The following GRIP1 variants were observed in gnomAD, a reference collection of about 807,000 sequenced individuals.
GRIP1 encodes the protein glutamate receptor-interacting protein 1.
A neutral mutation model predicts 129.9 loss-of-function variants in GRIP1; 45 were observed. That is an observed-to-expected ratio of 0.35 (90% CI 0.27 to 0.44). The LOEUF (loss-of-function observed/expected upper bound fraction) is 0.44. GRIP1 is among the 20% of genes least tolerant of loss of function. The pLI is 1.00. For missense variants in GRIP1, 1,196 were observed against 1,396.8 expected (o/e 0.86, Z 2.29); for synonymous variants, 530 against 520.8 (o/e 1.02, Z -0.24).
In GRIP1 at chr12:66,529,839, A is replaced by G. The variant is rs1313433583; in HGVS notation, c.494T>C (p.Val165Ala). ...LHKEGNTFGF[V>A]IRGGAHDDRN... is the part of the protein sequence containing the mutation. Reference sequence around the variant, plus strand: ...TTCTAACCAACACCTACCTCGAATTACAAAACCAAAGGTATTGCCTTCTTT... The same window carrying G: ...TTCTAACCAACACCTACCTCGAATTGCAAAACCAAAGGTATTGCCTTCTTT... The change falls in exon 5 of 25, where the codon GTA (valine) becomes GCA (alanine). Residue 165 changes from valine to alanine, a missense_variant. By Grantham distance (64) the Val-to-Ala change is moderately conservative (BLOSUM62 0). This residue lies in a region of GRIP1 where 217 missense variants were observed against 224.8 expected (regional missense o/e 0.97). Coordinates refer to ENST00000359742, the MANE Select transcript of GRIP1 (RefSeq NM_001366722.1). 1 of 1,582,370 alleles carries G rather than the reference A, an allele frequency of 6.3e-7. No individual in the cohort carries two copies. Among genetic ancestry groups the G allele is most frequent in the African/African-American group, 1.3e-5 (1 of 74,430 alleles).
At chr12:66,539,774 TAAG>T (rs2061720021) in intron 3 of GRIP1, among the ~76,000 whole-genome samples, 1 of 152,118 alleles carries the variant, frequency 6.6e-6, no homozygotes, top group Non-Finnish European at 1.5e-5. Context: ...GCAGGATTGA[TAAG>T]AAGAGTATTG....
At chr12:67,007,733 C>T (rs1240840030) in intron 1 of GRIP1, among the ~76,000 whole-genome samples, 1 of 152,138 alleles carries the variant, frequency 6.6e-6, no homozygotes, top group African/African-American at 2.4e-5. Flanking sequence ...AAATCATGGT[C>T]ATGGTGTGAC....
intron 1 of GRIP1, among the ~76,000 whole-genome samples, chr12:67,058,987 C>T (rs147307055): frequency 7.9e-5 from 12 of 152,332 alleles, no homozygotes; most frequent in African/African-American, 2.6e-4. Context: ...GAAAGAAGAA[C>T]TAACATCTGT....
chr12:66,991,028 C>T (rs1158904880), intron 1 of GRIP1, among the ~76,000 whole-genome samples: 1 of 150,970 alleles, frequency 6.6e-6, no homozygotes, highest in African/African-American at 2.4e-5. Flanking sequence ...AATCCCAGCA[C>T]TTCGGGAGAC....
At chr12:66,818,406 C>T (rs10431512) in intron 1 of GRIP1, among the ~76,000 whole-genome samples, 25,038 of 152,096 alleles carry the variant, frequency 0.16, 2,497 homozygotes, top group East Asian at 0.41. Flanking sequence ...TATCTGTTAT[C>T]CTTGAAGTAA....
chr12:66,492,723 G>A (rs1361603590), intron 7 of GRIP1, among the ~76,000 whole-genome samples: 1 of 152,134 alleles, frequency 6.6e-6, no homozygotes, highest in Non-Finnish European at 1.5e-5. Flanking sequence ...AATTTAGACT[G>A]GCTAGGCCAG....
intron 1 of GRIP1, among the ~76,000 whole-genome samples, chr12:66,727,486 T>C (rs967202827): frequency 1.3e-5 from 2 of 152,006 alleles, no homozygotes; most frequent in Non-Finnish European, 2.9e-5. Flanking sequence ...TGGAGCAGAG[T>C]GAAACCCAAC....
intron 2 of GRIP1, among the ~76,000 whole-genome samples, chr12:66,589,291 A>G (rs1225141219): frequency 2.9e-5 from 4 of 137,768 alleles, no homozygotes; most frequent in African/African-American, 1.1e-4. Flanking sequence ...TGATCATTTC[A>G]TTCTTGTTAT....
At chr12:67,000,116 G>T (rs1013949049) in intron 1 of GRIP1, among the ~76,000 whole-genome samples, 2 of 152,064 alleles carry the variant, frequency 1.3e-5, no homozygotes, top group Admixed American at 6.6e-5. Context: ...CTCGAACTAG[G>T]CAAGGACCTC....
At chr12:66,517,630 C>A (rs1214404913) in intron 6 of GRIP1, among the ~76,000 whole-genome samples, 1 of 152,076 alleles carries the variant, frequency 6.6e-6, no homozygotes, top group East Asian at 1.9e-4. Flanking sequence ...CTGATCAGCT[C>A]TGAAAGGTGG....
intron 1 of GRIP1, chr12:67,035,535 C>T (rs1416793443): frequency 6.6e-6 from 1 of 152,146 alleles, no homozygotes; most frequent in African/African-American, 2.4e-5. Context: ...GAACATCATA[C>T]AAATCAGAAT....
intron 1 of GRIP1, among the ~76,000 whole-genome samples, chr12:66,671,862 G>A (rs2034098305): frequency 6.6e-6 from 1 of 152,192 alleles, no homozygotes; most frequent in Non-Finnish European, 1.5e-5. Flanking sequence ...AGACTTGAAA[G>A]TGAAGATACA....
At chr12:66,860,472 C>T (rs371226517) in intron 1 of GRIP1, among the ~76,000 whole-genome samples, 1 of 152,062 alleles carries the variant, frequency 6.6e-6, no homozygotes, top group African/African-American at 2.4e-5. Context: ...GTTGCTATCA[C>T]CTCACCTCTA....
At chr12:66,897,657 C>A (rs996937986) in intron 1 of GRIP1, among the ~76,000 whole-genome samples, 3 of 152,138 alleles carry the variant, frequency 2.0e-5, no homozygotes, top group African/African-American at 7.2e-5. Context: ...GATGAAATGG[C>A]AGTACACCAG....
chr12:66,890,825 G>A (rs2040646379), intron 1 of GRIP1, among the ~76,000 whole-genome samples: 1 of 152,150 alleles, frequency 6.6e-6, no homozygotes, highest in Non-Finnish European at 1.5e-5. Context: ...TAACAGGTGT[G>A]CTGTGTCTAG....
Position 66,432,585 on chromosome 12 carries a change from A to C in GRIP1, c.1731T>G (p.Pro577=). Residue 577 remains proline, a synonymous_variant, in exon 14 of 25, where the codon CCT becomes CCG. Coordinates refer to ENST00000359742, the MANE Select transcript of GRIP1 (RefSeq NM_001366722.1). ...TTCCAAGTTCCACATTGTGCTTCTT[A>C]GGCAGCTTTACATGAAATGTTCCAC... is the stretch of plus-strand genomic sequence containing the variant. The part of the protein sequence containing the change: ...PSSGTFHVKL[P]KKHNVELGIT... 6.2e-7 allele frequency: 1 copy of C among 1,605,138 alleles called. No homozygotes were observed. Among genetic ancestry groups the C allele is most frequent in the Non-Finnish European group, 8.5e-7 (1 of 1,172,630 alleles).
At chr12:66,804,161 T>C (rs548775979) in exon 1 of GRIP1, 2 of 455,782 alleles carry the variant, frequency 4.4e-6, no homozygotes, top group East Asian at 1.4e-4. Flanking sequence ...CTTATCGCCT[T>C]GACAAAACCC....
intron 1 of GRIP1, among the ~76,000 whole-genome samples, chr12:66,764,665 T>C (rs1426211730): frequency 1.3e-5 from 2 of 152,196 alleles, no homozygotes; most frequent in African/African-American, 4.8e-5. Flanking sequence ...CAGTTATTTG[T>C]AAGGACAAGG....
intron 1 of GRIP1, among the ~76,000 whole-genome samples, chr12:66,905,679 G>A (rs539354540): frequency 5.0e-4 from 76 of 152,274 alleles, no homozygotes; most frequent in South Asian, 8.3e-4. Flanking sequence ...ATTTTCAGCT[G>A]ATTAGAAGGT....
Sources: allele counts gnomAD v4.1 joint callset (sites outside exome capture counted in the v4.1 genomes callset), GRCh38; gene constraint gnomAD v4.1.1; regional missense constraint gnomAD v4.1.1; transcripts MANE v1.5; gene names NCBI Gene and HGNC (gene_info 2026-07-23, HGNC 2026-07-21).